Variants in BIN1 observed in about 807,000 individuals in gnomAD.
BIN1 encodes the protein myc box-dependent-interacting protein 1.
A neutral mutation model predicts 82.0 loss-of-function variants in BIN1; 53 were observed. The observed-to-expected ratio is 0.65, with a 90% CI of 0.52 to 0.81. The LOEUF is 0.81. Ranked by LOEUF, BIN1 falls within the 40% of genes least tolerant of loss-of-function variation. BIN1 has a pLI of 0.00. For synonymous variants in BIN1, 302 were observed against 328.0 expected, an observed-to-expected ratio of 0.92 and a Z score of 0.86; for missense variants, 642 against 784.4, an observed-to-expected ratio of 0.82 and a Z score of 2.17.
At chr2:127,064,964 G>C (rs1174750607) in intron 7 of BIN1, 3 of 152,312 alleles carry the variant, frequency 2.0e-5, no homozygotes, top group Admixed American at 1.3e-4. Flanking sequence ...GCCCAGGAAA[G>C]TGTCAGGCCC....
At position 127,093,408 on chromosome 2, in the gene BIN1, A is replaced by G. The variant is rs1679190410; in HGVS notation, c.84+13452T>C. Among the ~76,000 whole-genome samples the G allele has an allele frequency of 2.0e-5, 3 of 151,872 alleles. No individual in the cohort carries two copies. The highest frequency in any genetic ancestry group is 4.2e-4 in the South Asian group (2 of 4,802). On this transcript the variant is annotated intron_variant, in intron 1 of 18. Transcript: ENST00000316724. The surrounding 1 kb of genome is among the most constrained non-coding windows in gnomAD (Gnocchi z 5.7). ...CCTTTTCCCCAAAGCCAGCCATGAA[A>G]CCCAGATAGTTCACTCTCTCCCACT...
chr2:127,071,173 C>A (rs912678365), intron 2 of BIN1, among the ~76,000 whole-genome samples: 1 of 152,154 alleles, frequency 6.6e-6, no homozygotes, highest in Non-Finnish European at 1.5e-5. Flanking sequence ...CACTCACAGA[C>A]CTGCCCTCAG....
At chr2:127,054,446 C>T in intron 12 of BIN1, 1 of 242,670 alleles carries the variant, frequency 4.1e-6, no homozygotes, top group Non-Finnish European at 8.2e-6. Flanking sequence ...TTGCTACCCC[C>T]CAGTGGCGAG....
In BIN1 at chr2:127,090,810, G is replaced by A. The variant is rs923485697; in HGVS notation, c.85-14104C>T. ...AGCTGGGTGGGAAGGCAACAGCCAC[G>A]GGTCGCCACACACTCCCACAGTCTT... On this transcript the variant is annotated intron_variant, in intron 1 of 18. Coordinates refer to ENST00000316724, the MANE Select transcript of BIN1 (RefSeq NM_139343.3). The surrounding 1 kb of genome is among the most constrained non-coding windows in gnomAD (Gnocchi z 6.4). Among the ~76,000 whole-genome samples, 10 of 152,170 alleles carry A rather than the reference G, an allele frequency of 6.6e-5. No homozygotes were observed. Among genetic ancestry groups the A allele is most frequent in the South Asian group, 2.1e-4 (1 of 4,832 alleles).
In BIN1 at chr2:127,048,527, C is replaced by T. The variant is rs373808212; in HGVS notation, c.1781G>A (p.Ter594=). Reference sequence around the variant, plus strand: ...CCGGAGGCTGCCTGGGCCCCGCCGTCATGGGACCCTCTCAGTGAAGTTCTC... The same window carrying T: ...CCGGAGGCTGCCTGGGCCCCGCCGTTATGGGACCCTCTCAGTGAAGTTCTC... The part of the protein sequence containing the change: ...FPENFTERVP[*] The change falls in exon 19 of 19, where the codon TGA becomes TAA. Residue 594 remains the stop codon, a stop_retained_variant. Coordinates refer to ENST00000316724, the MANE Select transcript of BIN1 (RefSeq NM_139343.3). 6.2e-7 allele frequency: 1 copy of T among 1,613,816 alleles called. No individual in the cohort carries two copies. Among genetic ancestry groups the T allele is most frequent in the African/African-American group, 1.3e-5 (1 of 74,944 alleles).
Position 127,105,467 on chromosome 2 carries a change from C to CCCTCCTCCTCCTCCT in BIN1, c.84+1378_84+1392dup, listed in dbSNP as rs70985434. On this transcript the variant is annotated intron_variant, in intron 1 of 18. Coordinates refer to ENST00000316724, the MANE Select transcript of BIN1 (RefSeq NM_139343.3). ...AGCCAGCTATTCCTGGGGCTTTAAT[C>CCCTCCTCCTCCTCCT]CCTCCTCCTCCTCCTCCTCCTCCTC... 2.8e-3 allele frequency among the ~76,000 whole-genome samples: 155 copies of CCCTCCTCCTCCTCCT among 55,660 alleles called. 1 individual carries two copies. The highest frequency in any genetic ancestry group is 0.012 in the South Asian group (12 of 1,036). 36.5% of individuals were successfully genotyped at this position (55,660 alleles called of 152,430 possible).
intron 1 of BIN1, among the ~76,000 whole-genome samples, chr2:127,105,372 C>A (rs1364041936): frequency 6.6e-6 from 1 of 152,098 alleles, no homozygotes; most frequent in African/African-American, 2.4e-5. Context: ...GTCATGGCAG[C>A]CCGGAGCAGG....
At chr2:127,056,880 A>G (rs1328523964) in intron 12 of BIN1, among the ~76,000 whole-genome samples, 1 of 152,212 alleles carries the variant, frequency 6.6e-6, no homozygotes, top group Non-Finnish European at 1.5e-5. Context: ...CTGAGCCAAG[A>G]GCCCACTGGG....
chr2:127,085,211 C>A (rs1355759058), intron 1 of BIN1, among the ~76,000 whole-genome samples: 1 of 152,176 alleles, frequency 6.6e-6, no homozygotes, highest in Non-Finnish European at 1.5e-5. Flanking sequence ...GGAGAAGTGG[C>A]CCAGGTTCCT....
intron 4 of BIN1, 87 bp from the exon 5 acceptor site, chr2:127,070,177 C>A: frequency 1.8e-6 from 2 of 1,091,784 alleles, no homozygotes; most frequent in East Asian, 2.5e-5. Context: ...CAGCCCCAGC[C>A]CCATCTCTTC....
At chr2:127,104,954 C>T (rs780499575) in intron 1 of BIN1, among the ~76,000 whole-genome samples, 1 of 152,192 alleles carries the variant, frequency 6.6e-6, no homozygotes. Flanking sequence ...CTAAACAACT[C>T]CAGTCCCAGG....
intron 17 of BIN1, 71 bp from the exon 18 acceptor site, chr2:127,050,593 C>A: frequency 1.3e-6 from 2 of 1,553,422 alleles, no homozygotes; most frequent in Non-Finnish European, 1.8e-6. Flanking sequence ...ACGGGCCTTG[C>A]GTGTGGGAGG....
intron 1 of BIN1, among the ~76,000 whole-genome samples, chr2:127,105,315 G>A (rs1479508750): frequency 1.3e-5 from 2 of 152,100 alleles, no homozygotes; most frequent in Non-Finnish European, 2.9e-5. Flanking sequence ...AAGGAAGCAG[G>A]CTCTGGCCCA....
Position 127,068,105 on chromosome 2 carries a change from A to C in BIN1, c.612+58T>G. ...GCCCTGCATTCCACCGCAGGGCGAG[A>C]GGACAGGACGACAGACCGGAAGGCG... On this transcript the variant is annotated intron_variant, in intron 7 of 18. Transcript: ENST00000316724. This position sits in a 1 kb window ranked among gnomAD's most constrained non-coding sequence, Gnocchi z 4.9. 1 of 1,540,688 alleles carries C rather than the reference A, an allele frequency of 6.5e-7. No homozygotes were observed. Among genetic ancestry groups the C allele is most frequent in the South Asian group, 1.2e-5 (1 of 86,416 alleles).
At chr2:127,081,811 G>A in intron 1 of BIN1, 1 of 1,287,342 alleles carries the variant, frequency 7.8e-7, no homozygotes, top group Non-Finnish European at 1.0e-6. Context: ...TGAGACCCCA[G>A]AAAACGCATA....
At chr2:127,060,341 C>T (rs768567638) in intron 10 of BIN1, among the ~76,000 whole-genome samples, 1 of 152,240 alleles carries the variant, frequency 6.6e-6, no homozygotes, top group Non-Finnish European at 1.5e-5. Flanking sequence ...GCTGGTGGCC[C>T]GGGCACCACC....
At position 127,054,446 on chromosome 2, in the gene BIN1, C is replaced by G. The variant is rs551324464; in HGVS notation, c.1132-434G>C. On this transcript the variant is annotated intron_variant, in intron 12 of 18. Coordinates refer to ENST00000316724, the MANE Select transcript of BIN1 (RefSeq NM_139343.3). ...AGAGTTCTGCTGATCTTGCTACCCC[C>G]CAGTGGCGAGAGTAACACCATGCCA... is the stretch of plus-strand genomic sequence containing the variant. 13 of 242,670 alleles carry G rather than the reference C, an allele frequency of 5.4e-5. No homozygotes were observed. In the South Asian group the frequency reaches 6.3e-4, roughly 12 times the overall value. 15.0% of individuals were successfully genotyped at this position (242,670 alleles called of 1,614,324 possible). A position where few individuals can be genotyped will look rare whatever the true frequency, so the allele number is the denominator to read the frequency against.
chr2:127,091,528 T>G (rs1221378374), intron 1 of BIN1, among the ~76,000 whole-genome samples: 1 of 152,172 alleles, frequency 6.6e-6, no homozygotes, highest in African/African-American at 2.4e-5. Flanking sequence ...AAATCAAGGC[T>G]GGAGGAAAGT....
chr2:127,071,779 C>T (rs1324672909), intron 2 of BIN1, among the ~76,000 whole-genome samples: 1 of 152,172 alleles, frequency 6.6e-6, no homozygotes, highest in African/African-American at 2.4e-5. Flanking sequence ...GCCACACAGC[C>T]CTAAGTAAGC....
Sources: allele counts gnomAD v4.1 joint callset (sites outside exome capture counted in the v4.1 genomes callset), GRCh38; gene constraint gnomAD v4.1.1; non-coding constraint Gnocchi (gnomAD v3.1); transcripts MANE v1.5; gene names NCBI Gene and HGNC (gene_info 2026-07-23, HGNC 2026-07-21).